The following RTN4RL1 variants were observed in gnomAD, a reference collection of about 807,000 sequenced individuals.
RTN4RL1 encodes the protein reticulon 4 receptor like 1.
A neutral mutation model predicts 25.6 loss-of-function variants in RTN4RL1; 7 were observed. That is an observed-to-expected ratio of 0.27 (90% CI 0.16 to 0.51). The LOEUF is 0.51. Ranked by LOEUF, RTN4RL1 falls within the 20% of genes least tolerant of loss-of-function variation. The probability of loss-of-function intolerance (pLI) is 0.97; values close to 1 mark genes in which losing one functional copy is unlikely to be tolerated. For missense variants in RTN4RL1, 500 were observed against 615.6 expected, an observed-to-expected ratio of 0.81 and a Z score of 1.99; for synonymous variants, 297 against 288.2, an observed-to-expected ratio of 1.03 and a Z score of -0.31.
At chr17:1,953,398 G>A (rs1017133109) in intron 1 of RTN4RL1, among the ~76,000 whole-genome samples, 57 of 152,102 alleles carry the variant, frequency 3.7e-4, no homozygotes, top group African/African-American at 1.1e-3. Flanking sequence ...GCGAGATCCC[G>A]TCTCAAAAAT....
chr17:1,967,648 C>CTT (rs995450892), intron 1 of RTN4RL1, among the ~76,000 whole-genome samples: 1 of 147,152 alleles, frequency 6.8e-6, no homozygotes, highest in Non-Finnish European at 1.5e-5. Context: ...CTCTCTCTTT[C>CTT]TTTTTTTTTT....
intron 1 of RTN4RL1, among the ~76,000 whole-genome samples, chr17:1,991,386 G>GT (rs1287862308): frequency 2.2e-4 from 27 of 120,788 alleles, no homozygotes; most frequent in South Asian, 8.8e-4. Flanking sequence ...CTGTGAGTTT[G>GT]TTTTTTTTTG....
At chr17:1,959,006 G>C (rs1915844599) in intron 1 of RTN4RL1, among the ~76,000 whole-genome samples, 1 of 152,240 alleles carries the variant, frequency 6.6e-6, no homozygotes, top group South Asian at 2.1e-4. Flanking sequence ...AAAGGGAAAA[G>C]ACGCGGAGGG....
At chr17:2,007,076 G>T (rs922514859) in intron 1 of RTN4RL1, among the ~76,000 whole-genome samples, 1 of 152,116 alleles carries the variant, frequency 6.6e-6, no homozygotes. Flanking sequence ...GCAAGCTGCT[G>T]CAGCTCTCTG....
Position 1,947,510 on chromosome 17 carries a change from C to T in RTN4RL1, c.14-9702G>A, listed in dbSNP as rs76099197. On this transcript the variant is annotated intron_variant, in intron 1 of 1. Transcript: ENST00000331238. ...TTCAACTCCCGCCCTCCTCCCGACA[C>T]GCTGAATTATGTACCCACTCCAGGT... Among the ~76,000 whole-genome samples, 604 of 152,356 alleles carry T rather than the reference C, an allele frequency of 4.0e-3. 3 individuals are homozygous for T. The highest frequency in any genetic ancestry group is 0.013 in the African/African-American group (552 of 41,586).
intron 1 of RTN4RL1, among the ~76,000 whole-genome samples, chr17:1,996,758 A>C (rs2066931154): frequency 6.6e-6 from 1 of 152,110 alleles, no homozygotes; most frequent in Non-Finnish European, 1.5e-5. Context: ...GTTTCAAAAA[A>C]CATGTCAACA....
intron 1 of RTN4RL1, among the ~76,000 whole-genome samples, chr17:2,007,337 AACACAC>A (rs34669886): frequency 0.079 from 11,087 of 140,338 alleles, 529 homozygotes; most frequent in East Asian, 0.21. Flanking sequence ...TCACAGCCCC[AACACAC>A]ACACACACAC....
chr17:1,937,019 T>A lies in RTN4RL1; in HGVS notation c.803A>T (p.Glu268Val). Reference sequence around the variant, plus strand: ...GGAGCCCCGGAACCTCTGCAGCCATTCCCACAGGGAGCGCGCGCGACAACC... The same window carrying A: ...GGAGCCCCGGAACCTCTGCAGCCATACCCACAGGGAGCGCGCGCGACAACC... ...DCGCRARSLW[E>V]WLQRFRGSSS... Residue 268 changes from glutamate to valine, a missense_variant, in exon 2 of 2, where the codon GAA (glutamate) becomes GTA (valine). Coordinates refer to ENST00000331238, the MANE Select transcript of RTN4RL1 (RefSeq NM_178568.4). 1 of 1,605,264 alleles carries A rather than the reference T, an allele frequency of 6.2e-7. No individual in the cohort carries two copies. Among genetic ancestry groups the A allele is most frequent in the Non-Finnish European group, 8.5e-7 (1 of 1,178,388 alleles).
chr17:1,972,168 G>A (rs12944569), intron 1 of RTN4RL1, among the ~76,000 whole-genome samples: 1,802 of 151,304 alleles, frequency 0.012, 10 homozygotes, highest in Non-Finnish European at 0.021. Flanking sequence ...TTAGCTGGGC[G>A]TGGTGGCAGG....
chr17:1,946,934 G>A (rs1216463033), intron 1 of RTN4RL1, among the ~76,000 whole-genome samples: 2 of 150,618 alleles, frequency 1.3e-5, no homozygotes, highest in African/African-American at 4.9e-5. Context: ...GCATCTCTGT[G>A]TGAATGTGTG....
intron 1 of RTN4RL1, among the ~76,000 whole-genome samples, chr17:2,004,818 C>T (rs1166468568): frequency 6.6e-6 from 1 of 152,098 alleles, no homozygotes; most frequent in African/African-American, 2.4e-5. Context: ...CCTGATCACT[C>T]ACACAGCTCT....
At chr17:1,962,274 C>G (rs890788424) in intron 1 of RTN4RL1, among the ~76,000 whole-genome samples, 1 of 147,982 alleles carries the variant, frequency 6.8e-6, no homozygotes, top group Non-Finnish European at 1.5e-5. Flanking sequence ...TCAAGACCCT[C>G]TCTGGAAAAA....
At chr17:1,978,017 C>T (rs187291997) in intron 1 of RTN4RL1, among the ~76,000 whole-genome samples, 9 of 152,056 alleles carry the variant, frequency 5.9e-5, no homozygotes, top group Non-Finnish European at 1.3e-4. Flanking sequence ...ACCCCGCATC[C>T]TGCACCCCGC....
In RTN4RL1 at chr17:1,998,713, G is replaced by T. The variant is rs1451671998; in HGVS notation, c.13+26140C>A. ...GGCGCTGCCGGAGCGCCCGGGCCCC[G>T]CTCCCCTCACGGGCCTCGCAGCACA... On this transcript the variant is annotated intron_variant, in intron 1 of 1. Coordinates refer to ENST00000331238, the MANE Select transcript of RTN4RL1 (RefSeq NM_178568.4). The surrounding 1 kb of genome is among the most constrained non-coding windows in gnomAD (Gnocchi z 4.9). Among the ~76,000 whole-genome samples, 1 of 149,932 alleles carries T rather than the reference G, an allele frequency of 6.7e-6. No individual in the cohort carries two copies. The highest frequency in any genetic ancestry group is 1.5e-5 in the Non-Finnish European group (1 of 67,566).
chr17:1,949,250 C>G (rs1393928789), intron 1 of RTN4RL1, among the ~76,000 whole-genome samples: 1 of 150,304 alleles, frequency 6.7e-6, no homozygotes, highest in Non-Finnish European at 1.5e-5. Flanking sequence ...CGTGAGCCAC[C>G]GTGCCTGGCC....
intron 1 of RTN4RL1, among the ~76,000 whole-genome samples, chr17:1,963,282 C>A (rs2066774313): frequency 6.6e-6 from 1 of 152,236 alleles, no homozygotes; most frequent in South Asian, 2.1e-4. Flanking sequence ...TCCTTCATTT[C>A]TCTTGATTGA....
At chr17:2,012,448 G>A (rs1416296669) in intron 1 of RTN4RL1, among the ~76,000 whole-genome samples, 5 of 152,184 alleles carry the variant, frequency 3.3e-5, no homozygotes, top group Admixed American at 1.3e-4. Flanking sequence ...TGAGACGTGC[G>A]TTTTCTGCTT....
intron 1 of RTN4RL1, among the ~76,000 whole-genome samples, chr17:1,968,181 C>T (rs557032241): frequency 1.3e-5 from 2 of 152,272 alleles, no homozygotes; most frequent in African/African-American, 4.8e-5. Flanking sequence ...ACTCCAATTC[C>T]GAACTGCTTT....
intron 1 of RTN4RL1, among the ~76,000 whole-genome samples, chr17:1,993,383 G>A (rs2066917793): frequency 6.6e-6 from 1 of 152,164 alleles, no homozygotes; most frequent in Non-Finnish European, 1.5e-5. Flanking sequence ...TCAAATCCTG[G>A]CCCTGACACT....
Sources: gnomAD v4.1 joint callset for allele counts (sites outside exome capture counted in the v4.1 genomes callset) on GRCh38, gnomAD v4.1.1 for gene constraint, Gnocchi (gnomAD v3.1) non-coding constraint, MANE v1.5 for transcripts, NCBI Gene and HGNC (gene_info 2026-07-23, HGNC 2026-07-21) for gene names.